Variants in TIMD4 observed in about 807,000 individuals in gnomAD.
TIMD4 encodes the protein T-cell immunoglobulin and mucin domain-containing protein 4.
Under a neutral mutation model 41.2 loss-of-function variants are expected in TIMD4, and 31 were observed. The observed-to-expected ratio is 0.75, with a 90% CI of 0.57 to 1.01. The LOEUF is 1.01. Ranked by LOEUF, TIMD4 falls within the 50% of genes least tolerant of loss-of-function variation. TIMD4 has a pLI of 0.00. For missense variants in TIMD4, 479 were observed against 472.5 expected, an observed-to-expected ratio of 1.01 and a Z score of -0.13; for synonymous variants, 204 against 177.1, an observed-to-expected ratio of 1.15 and a Z score of -1.21.
chr5:156,934,886 T>G (rs1759510577), intron 5 of TIMD4, among the ~76,000 whole-genome samples: 1 of 152,236 alleles, frequency 6.6e-6, no homozygotes, highest in Non-Finnish European at 1.5e-5. Context: ...ATATGTTGAC[T>G]CATCATTGAA....
intron 5 of TIMD4, among the ~76,000 whole-genome samples, chr5:156,930,220 C>T (rs919085157): frequency 1.3e-5 from 2 of 152,126 alleles, no homozygotes; most frequent in African/African-American, 4.8e-5. Context: ...CCTCAGCCTC[C>T]AAAGTGCTGG....
intron 5 of TIMD4, among the ~76,000 whole-genome samples, chr5:156,927,573 T>C (rs1402500970): frequency 2.0e-5 from 3 of 152,150 alleles, no homozygotes; most frequent in African/African-American, 4.8e-5. Context: ...GTTAGGAGGA[T>C]AAGGGAAGAG....
At chr5:156,942,465 A>G (rs145172820) in intron 5 of TIMD4, among the ~76,000 whole-genome samples, 1 of 152,194 alleles carries the variant, frequency 6.6e-6, no homozygotes, top group African/African-American at 2.4e-5. Context: ...CTTCCCCCCT[A>G]CATCCCCTGG....
rs1175097653 is a variant in TIMD4 at position 156,926,311 on chromosome 5, T to G, written c.846A>C (p.Ala282=). ...SDSVSSPQPG[A]SDTAVPEQNK... The stretch of plus-strand genomic sequence containing the variant: ...TCTGCTCAGGAACTGCTGTATCAGA[T>G]GCTGGGAAGGAAAAGAGAAGAAAAT... The change falls in exon 6 of 9, where the codon GCA becomes GCC. Residue 282 remains alanine, a splice_region_variant and synonymous_variant. Coordinates refer to ENST00000274532, the MANE Select transcript of TIMD4 (RefSeq NM_138379.3). 2 of 1,613,534 alleles carry G rather than the reference T, an allele frequency of 1.2e-6. No homozygotes were observed. The highest frequency in any genetic ancestry group is 1.1e-5 in the South Asian group (1 of 91,080).
At chr5:156,959,469 GT>G (rs1760039682) in intron 1 of TIMD4, among the ~76,000 whole-genome samples, 3 of 152,132 alleles carry the variant, frequency 2.0e-5, no homozygotes, top group Admixed American at 6.6e-5. Flanking sequence ...AAAAAAAATG[GT>G]TCCTGTCTGT....
At position 156,941,677 on chromosome 5, in the gene TIMD4, A is replaced by G. The variant is rs149820117; in HGVS notation, c.844+6739T>C. Among the ~76,000 whole-genome samples, 1,038 of 152,322 alleles carry G rather than the reference A, an allele frequency of 6.8e-3. 7 individuals carry two copies. The highest frequency in any genetic ancestry group is 0.011 in the Non-Finnish European group (758 of 68,030). ...CCTTTTCTTACCTCTATCTCAAAGC[A>G]GAGCTCACTAAAGGATGGTTTGTTA... On this transcript the variant is annotated intron_variant, in intron 5 of 8. Coordinates refer to ENST00000274532, the MANE Select transcript of TIMD4 (RefSeq NM_138379.3).
At chr5:156,962,443 C>A (rs990838433) in intron 1 of TIMD4, among the ~76,000 whole-genome samples, 4 of 152,028 alleles carry the variant, frequency 2.6e-5, no homozygotes, top group Admixed American at 6.6e-5. Flanking sequence ...ACTGCAAGGG[C>A]CATTCAATAT....
intron 5 of TIMD4, among the ~76,000 whole-genome samples, chr5:156,937,868 G>T (rs1759569132): frequency 6.6e-6 from 1 of 152,182 alleles, no homozygotes; most frequent in Admixed American, 6.5e-5. Context: ...AACAGCACTG[G>T]GCATGAGAGA....
At chr5:156,932,810 C>T (rs1432010328) in intron 5 of TIMD4, among the ~76,000 whole-genome samples, 1 of 152,116 alleles carries the variant, frequency 6.6e-6, no homozygotes, top group Non-Finnish European at 1.5e-5. Context: ...TCAAGACCAG[C>T]CTGGCCAACA....
chr5:156,952,711 A>G (rs1759885652), intron 2 of TIMD4, among the ~76,000 whole-genome samples: 1 of 152,226 alleles, frequency 6.6e-6, no homozygotes, highest in Non-Finnish European at 1.5e-5. Context: ...TGCATTTCAT[A>G]ACTGCACATT....
At chr5:156,920,682 C>G (rs1759221340) in intron 7 of TIMD4, among the ~76,000 whole-genome samples, 179 bp from the exon 8 acceptor site, 1 of 152,190 alleles carries the variant, frequency 6.6e-6, no homozygotes, top group Non-Finnish European at 1.5e-5. Context: ...GCTATTTTAA[C>G]CACAGTTAGT....
At chr5:156,938,710 AT>A (rs1759584940) in intron 5 of TIMD4, among the ~76,000 whole-genome samples, 1 of 152,020 alleles carries the variant, frequency 6.6e-6, no homozygotes, top group Admixed American at 6.6e-5. Context: ...TTCCCTCTAA[AT>A]TTCTTGAAAG....
chr5:156,944,136 G>A (rs971150075), intron 5 of TIMD4, among the ~76,000 whole-genome samples: 1 of 152,058 alleles, frequency 6.6e-6, no homozygotes, highest in Non-Finnish European at 1.5e-5. Flanking sequence ...TAGGTATCTT[G>A]AGGTATGAGT....
At chr5:156,951,843 AAAT>A in intron 2 of TIMD4, 53 bp from the exon 3 acceptor site, 1 of 1,605,260 alleles carries the variant, frequency 6.2e-7, no homozygotes, top group Non-Finnish European at 8.5e-7. Flanking sequence ...AGGAAAAAGA[AAAT>A]AATGCAAGTA....
intron 5 of TIMD4, among the ~76,000 whole-genome samples, chr5:156,939,447 T>C (rs1759600066): frequency 6.6e-6 from 1 of 152,192 alleles, no homozygotes; most frequent in Non-Finnish European, 1.5e-5. Flanking sequence ...ATGAAAGTAT[T>C]GGTATACTGG....
chr5:156,924,579 G>T, intron 6 of TIMD4: 2 of 277,008 alleles, frequency 7.2e-6, no homozygotes, highest in Non-Finnish European at 1.5e-5. Flanking sequence ...TCCACAGCAA[G>T]CCATCGAGTT....
intron 8 of TIMD4, among the ~76,000 whole-genome samples, chr5:156,920,046 A>G (rs1759204620): frequency 6.6e-6 from 1 of 152,208 alleles, no homozygotes; most frequent in African/African-American, 2.4e-5. Flanking sequence ...AGCTGCTTCC[A>G]TGGTCTAACT....
intron 4 of TIMD4, 91 bp downstream of exon 4, chr5:156,949,560 G>T (rs1759813761): frequency 5.4e-6 from 6 of 1,116,254 alleles, no homozygotes; most frequent in Non-Finnish European, 8.1e-6. Flanking sequence ...CAAAGAGGTT[G>T]TCAGTCATCT....
intron 5 of TIMD4, among the ~76,000 whole-genome samples, chr5:156,927,097 C>G (rs1017715469): frequency 1.3e-5 from 2 of 152,190 alleles, no homozygotes; most frequent in Admixed American, 6.5e-5. Context: ...AGTGATGGAG[C>G]ACACAGGCTG....
Sources: allele counts gnomAD v4.1 joint callset (sites outside exome capture counted in the v4.1 genomes callset), GRCh38; gene constraint gnomAD v4.1.1; transcripts MANE v1.5; gene names NCBI Gene and HGNC (gene_info 2026-07-23, HGNC 2026-07-21).